The following RUNX2 variants were observed in gnomAD, a reference collection of about 807,000 sequenced individuals.
RUNX2 encodes RUNX family transcription factor 2.
Under a neutral mutation model 51.7 loss-of-function variants are expected in RUNX2, and 10 were observed. That is an observed-to-expected ratio of 0.19 (90% CI 0.12 to 0.33). The LOEUF is 0.33. RUNX2 is among the 10% of genes least tolerant of loss of function. The probability of loss-of-function intolerance (pLI) is 1.00; values close to 1 mark genes in which losing one functional copy is unlikely to be tolerated. For synonymous variants in RUNX2, 276 were observed against 273.6 expected (o/e 1.01, Z -0.09); for missense variants, 562 against 691.3 (o/e 0.81, Z 2.10).
At chr6:45,435,361 C>T (rs1010843366) in intron 4 of RUNX2, among the ~76,000 whole-genome samples, 1 of 152,014 alleles carries the variant, frequency 6.6e-6, no homozygotes, top group Non-Finnish European at 1.5e-5. Flanking sequence ...TCTATTTTAT[C>T]TTTTTTTCTT....
chr6:45,415,800 A>G (rs1798058895), intron 2 of RUNX2, among the ~76,000 whole-genome samples: 1 of 152,164 alleles, frequency 6.6e-6, no homozygotes, highest in Admixed American at 6.5e-5. Flanking sequence ...TATTTAATGG[A>G]TCCGGATTCA....
intron 2 of RUNX2, among the ~76,000 whole-genome samples, chr6:45,329,299 T>C (rs1786978094): frequency 1.3e-5 from 2 of 152,090 alleles, no homozygotes; most frequent in South Asian, 4.1e-4. Context: ...CCAGCTCAAC[T>C]AAAAGAAATC....
chr6:45,461,178 A>C (rs888170976), intron 5 of RUNX2, among the ~76,000 whole-genome samples: 1 of 152,228 alleles, frequency 6.6e-6, no homozygotes, highest in Non-Finnish European at 1.5e-5. Flanking sequence ...CTAATGATGC[A>C]GGGCTGTAAA....
At chr6:45,443,203 A>T (rs1168090665) in intron 5 of RUNX2, among the ~76,000 whole-genome samples, 1 of 151,876 alleles carries the variant, frequency 6.6e-6, no homozygotes, top group African/African-American at 2.4e-5. Context: ...AGTAAGTGCC[A>T]CTATACCTGG....
chr6:45,374,304 C>T lies in RUNX2; in HGVS notation c.58+45520C>T, dbSNP rs1277931234. Among the ~76,000 whole-genome samples the T allele has an allele frequency of 4.6e-5, 7 of 152,298 alleles. No homozygotes were observed. In the East Asian group the frequency reaches 1.2e-3, roughly 25 times the overall value. ...AGATTATCCAATAAACTTAAGGCTA[C>T]AGCAGCTAACAGTTACTGAACTGCA... On this transcript the variant is annotated intron_variant, in intron 2 of 8. Coordinates refer to ENST00000647337, the MANE Select transcript of RUNX2 (RefSeq NM_001024630.4).
intron 5 of RUNX2, among the ~76,000 whole-genome samples, chr6:45,448,557 GCTCGGTGTGTGT>G (rs1164453826): frequency 3.3e-5 from 5 of 152,116 alleles, no homozygotes; most frequent in Admixed American, 6.5e-5. Flanking sequence ...TCCAGTGCTG[GCTCGGTGTGTGT>G]CTTCCTGGGG....
intron 7 of RUNX2, among the ~76,000 whole-genome samples, chr6:45,526,924 C>T (rs1456239457): frequency 6.6e-6 from 1 of 152,146 alleles, no homozygotes; most frequent in Non-Finnish European, 1.5e-5. Context: ...ATGTAAAGCC[C>T]TTAGAATAAT....
intron 6 of RUNX2, among the ~76,000 whole-genome samples, chr6:45,499,098 C>T (rs1195866478): frequency 1.3e-5 from 2 of 152,188 alleles, no homozygotes; most frequent in African/African-American, 4.8e-5. Context: ...ACTTCACAGT[C>T]ACTGTGGTCC....
At chr6:45,332,644 T>G (rs1787742701) in intron 2 of RUNX2, among the ~76,000 whole-genome samples, 1 of 151,728 alleles carries the variant, frequency 6.6e-6, no homozygotes, top group Admixed American at 6.6e-5. Context: ...CTAACAAAAA[T>G]CTTTAGACAT....
intron 7 of RUNX2, among the ~76,000 whole-genome samples, chr6:45,531,395 C>T (rs1401405209): frequency 2.0e-5 from 3 of 152,082 alleles, no homozygotes; most frequent in African/African-American, 7.2e-5. Context: ...AAAAATCTAC[C>T]TCCCAATTTT....
intron 4 of RUNX2, among the ~76,000 whole-genome samples, chr6:45,437,663 T>A (rs1352822924): frequency 6.6e-6 from 1 of 152,198 alleles, no homozygotes; most frequent in African/African-American, 2.4e-5. Context: ...GGACCAGGGT[T>A]TTGTTTTCAT....
At chr6:45,525,390 A>G (rs983608768) in intron 7 of RUNX2, among the ~76,000 whole-genome samples, 7 of 152,250 alleles carry the variant, frequency 4.6e-5, no homozygotes, top group Non-Finnish European at 1.0e-4. Context: ...TTGGTTTATC[A>G]GGAAAACATT....
chr6:45,522,525 A>G (rs1218372706), intron 7 of RUNX2, among the ~76,000 whole-genome samples: 1 of 152,172 alleles, frequency 6.6e-6, no homozygotes, highest in Admixed American at 6.5e-5. Context: ...AAAATTACGT[A>G]TGTTTGATGT....
intron 2 of RUNX2, among the ~76,000 whole-genome samples, chr6:45,372,498 T>C (rs942658237): frequency 5.9e-5 from 9 of 152,222 alleles, no homozygotes; most frequent in Admixed American, 2.6e-4. Context: ...AAAACCACTA[T>C]AGCATTTAAA....
chr6:45,329,461 T>C (rs760471038), intron 2 of RUNX2, among the ~76,000 whole-genome samples: 3 of 151,968 alleles, frequency 2.0e-5, no homozygotes, highest in Admixed American at 6.6e-5. Flanking sequence ...AAAAAGTTCA[T>C]GGAAGTATTT....
chr6:45,354,440 C>T (rs1170285636), intron 2 of RUNX2, among the ~76,000 whole-genome samples: 1 of 152,100 alleles, frequency 6.6e-6, no homozygotes, highest in Non-Finnish European at 1.5e-5. Context: ...GTGTATGCCT[C>T]GCTTGGAAAG....
intron 5 of RUNX2, among the ~76,000 whole-genome samples, chr6:45,465,206 A>G (rs1024773861): frequency 2.0e-5 from 3 of 152,148 alleles, no homozygotes; most frequent in South Asian, 2.1e-4. Flanking sequence ...TCTTGTAGGC[A>G]TTCCATAGAT....
At chr6:45,424,285 G>A (rs1798323951) in intron 3 of RUNX2, among the ~76,000 whole-genome samples, 1 of 152,230 alleles carries the variant, frequency 6.6e-6, no homozygotes, top group African/African-American at 2.4e-5. Context: ...GCCCTCTACA[G>A]GGGGGAGACG....
At chr6:45,447,639 T>C (rs72862982) in intron 5 of RUNX2, among the ~76,000 whole-genome samples, 3,411 of 152,342 alleles carry the variant, frequency 0.022, 59 homozygotes, top group South Asian at 0.045. Flanking sequence ...GATATTTTAG[T>C]AGATCCTTGT....
Sources: gnomAD v4.1 joint callset for allele counts (sites outside exome capture counted in the v4.1 genomes callset) on GRCh38, gnomAD v4.1.1 for gene constraint, MANE v1.5 for transcripts, NCBI Gene and HGNC (gene_info 2026-07-23, HGNC 2026-07-21) for gene names.